The following TMEM132D variants were observed in gnomAD, a reference collection of about 807,000 sequenced individuals.
TMEM132D encodes mature OL transmembrane protein.
A neutral mutation model predicts 62.3 loss-of-function variants in TMEM132D; 21 were observed. The observed-to-expected ratio is 0.34, with a 90% CI of 0.24 to 0.49. The LOEUF is 0.49. TMEM132D is among the 20% of genes least tolerant of loss of function. The pLI, the probability that TMEM132D is intolerant of heterozygous loss-of-function variation, is 0.99. For missense variants in TMEM132D, 1,346 were observed against 1,402.8 expected (o/e 0.96, Z 0.65); for synonymous variants, 621 against 575.6 (o/e 1.08, Z -1.13).
intron 2 of TMEM132D, among the ~76,000 whole-genome samples, chr12:129,634,536 T>C (rs911505826): frequency 2.6e-5 from 4 of 151,942 alleles, no homozygotes; most frequent in South Asian, 2.1e-4. Context: ...TCTGAATTCA[T>C]TGAATTATTT....
chr12:129,156,647 C>G (rs1877255393), intron 5 of TMEM132D, among the ~76,000 whole-genome samples: 1 of 152,174 alleles, frequency 6.6e-6, no homozygotes, highest in South Asian at 2.1e-4. Flanking sequence ...TAATAACTAA[C>G]TCACTCCTGT....
intron 3 of TMEM132D, among the ~76,000 whole-genome samples, chr12:129,417,790 T>C (rs1461716580): frequency 1.3e-5 from 2 of 152,168 alleles, no homozygotes; most frequent in East Asian, 3.8e-4. Flanking sequence ...AGAAAATTTT[T>C]GCAATCTATC....
intron 5 of TMEM132D, among the ~76,000 whole-genome samples, chr12:129,137,196 CCATCATCATCACCAT>C (rs897667739): frequency 5.3e-5 from 8 of 150,350 alleles, no homozygotes; most frequent in South Asian, 2.1e-4. Flanking sequence ...ATCACAATCA[CCATCATCATCACCAT>C]CATCATCATC....
intron 1 of TMEM132D, among the ~76,000 whole-genome samples, chr12:129,730,688 C>A (rs1869202241): frequency 6.6e-6 from 1 of 151,864 alleles, no homozygotes; most frequent in African/African-American, 2.4e-5. Flanking sequence ...AGCAGACCCA[C>A]CCTCATTCTC....
Position 129,779,916 on chromosome 12 carries a change from A to G in TMEM132D, c.80-79218T>C, listed in dbSNP as rs1871067378. 6.6e-6 allele frequency among the ~76,000 whole-genome samples: 1 copy of G among 152,044 alleles called. No individual in the cohort carries two copies. The highest frequency in any genetic ancestry group is 2.1e-4 in the South Asian group (1 of 4,806). On this transcript the variant is annotated intron_variant, in intron 1 of 8. Transcript: ENST00000422113. The surrounding 1 kb of genome is among the most constrained non-coding windows in gnomAD (Gnocchi z 4.1). ...TATTTTTACCAACGTGCTTTTACGC[A>G]TTGACTCCAGAAATCCTTACAACCA...
intron 1 of TMEM132D, among the ~76,000 whole-genome samples, chr12:129,719,516 T>C (rs552414862): frequency 1.3e-5 from 2 of 152,352 alleles, no homozygotes; most frequent in East Asian, 3.9e-4. Context: ...GAGTGACAGA[T>C]GCAGGGAAAC....
chr12:129,457,350 A>T (rs7486545), intron 3 of TMEM132D, among the ~76,000 whole-genome samples: 1 of 146,608 alleles, frequency 6.8e-6, no homozygotes. Flanking sequence ...ACAAAAAACC[A>T]AACACCGCAT....
intron 5 of TMEM132D, among the ~76,000 whole-genome samples, chr12:129,157,123 G>A (rs1356405793): frequency 6.6e-6 from 1 of 151,804 alleles, no homozygotes; most frequent in Admixed American, 6.6e-5. Flanking sequence ...CCACTTCTAT[G>A]ATAGCTAACC....
At chr12:129,435,657 A>G (rs191867296) in intron 3 of TMEM132D, among the ~76,000 whole-genome samples, 44 of 152,294 alleles carry the variant, frequency 2.9e-4, no homozygotes, top group African/African-American at 1.0e-3. Flanking sequence ...CAGGATGATG[A>G]ATCCCAAGCC....
Position 129,898,249 on chromosome 12 carries a change from T to A in TMEM132D, c.79+5012A>T, listed in dbSNP as rs1875214462. Among the ~76,000 whole-genome samples, 5 of 152,252 alleles carry A rather than the reference T, an allele frequency of 3.3e-5. No individual in the cohort carries two copies. The South Asian group carries it at 1.0e-3, about 32-fold the overall frequency. ...AATGATTTCCAGCAATATTTCACAC[T>A]CTTGGAAGCACAGTTAAAAATTGTA... On this transcript the variant is annotated intron_variant, in intron 1 of 8. Transcript: ENST00000422113.
chr12:129,408,010 C>T (rs1273192223), intron 3 of TMEM132D, among the ~76,000 whole-genome samples: 3 of 152,152 alleles, frequency 2.0e-5, no homozygotes, highest in Admixed American at 2.0e-4. Context: ...CCTTCTTACC[C>T]TGGGGCTTCA....
rs116766966 is a variant in TMEM132D, at chr12:129,503,111, C to G, written c.1115+27948G>C. On this transcript the variant is annotated intron_variant, in intron 3 of 8. Coordinates refer to ENST00000422113, the MANE Select transcript of TMEM132D (RefSeq NM_133448.3). ...TAAAAGTCATAGATGCTCAGTACTG[C>G]AGAAAATTTATAACCTCGCAGTAAG... 1.2e-3 allele frequency among the ~76,000 whole-genome samples: 183 copies of G among 152,292 alleles called. 2 individuals carry two copies. Among genetic ancestry groups the G allele is most frequent in the African/African-American group, 4.3e-3 (177 of 41,548 alleles).
chr12:129,818,441 T>C (rs1384358498), intron 1 of TMEM132D, among the ~76,000 whole-genome samples: 1 of 146,130 alleles, frequency 6.8e-6, no homozygotes, highest in Non-Finnish European at 1.5e-5. Context: ...GGTGGGGGGG[T>C]GTGTGTCTAT....
intron 5 of TMEM132D, among the ~76,000 whole-genome samples, chr12:129,100,360 T>A (rs1875260277): frequency 6.6e-6 from 1 of 152,166 alleles, no homozygotes; most frequent in Non-Finnish European, 1.5e-5. Context: ...ATTAGGTCAT[T>A]GAAGGTCAAG....
rs1377974815 is a variant in TMEM132D at position 129,774,704 on chromosome 12, T to G, written c.80-74006A>C. On this transcript the variant is annotated intron_variant, in intron 1 of 8. Transcript: ENST00000422113. ...AAAAGCAGAAAGCTCCTGTACACAA[T>G]GGTCACAGCTATGAGGCAGAATGCA... Among the ~76,000 whole-genome samples the G allele has an allele frequency of 2.0e-5, 3 of 152,348 alleles. No homozygotes were observed. In the South Asian group the frequency reaches 6.2e-4, roughly 32 times the overall value.
At chr12:129,257,206 T>TC (rs1880429045) in intron 4 of TMEM132D, among the ~76,000 whole-genome samples, 1 of 55,708 alleles carries the variant, frequency 1.8e-5, no homozygotes, top group Admixed American at 2.4e-4. Context: ...GTTTCTTTCT[T>TC]TTTTTTTTTT....
intron 1 of TMEM132D, among the ~76,000 whole-genome samples, chr12:129,719,826 A>G (rs899520840): frequency 1.3e-5 from 2 of 152,200 alleles, no homozygotes; most frequent in African/African-American, 4.8e-5. Flanking sequence ...GACAGAGAAA[A>G]TATCTGGTTC....
intron 1 of TMEM132D, among the ~76,000 whole-genome samples, chr12:129,705,791 A>G (rs1233956198): frequency 6.6e-6 from 1 of 152,160 alleles, no homozygotes; most frequent in Non-Finnish European, 1.5e-5. Flanking sequence ...AACCCCACAC[A>G]TTGAAAATAG....
At chr12:129,774,409 C>T (rs1870853779) in intron 1 of TMEM132D, among the ~76,000 whole-genome samples, 1 of 152,158 alleles carries the variant, frequency 6.6e-6, no homozygotes, top group South Asian at 2.1e-4. Context: ...TTGGTTTCAA[C>T]TCTGTGTTTG....
Sources: gnomAD v4.1 joint callset for allele counts (sites outside exome capture counted in the v4.1 genomes callset) on GRCh38, gnomAD v4.1.1 for gene constraint, Gnocchi (gnomAD v3.1) non-coding constraint, MANE v1.5 for transcripts, NCBI Gene and HGNC (gene_info 2026-07-23, HGNC 2026-07-21) for gene names.